Variants in NFIA observed in about 807,000 individuals in gnomAD.
The protein encoded by NFIA is nuclear factor 1 A-type.
In NFIA, 8 loss-of-function variants were observed where a neutral mutation model predicts 62.8. The ratio of observed to expected loss-of-function variants is 0.13; its 90% CI spans 0.07 to 0.23. NFIA has a LOEUF of 0.23. Among genes scored for constraint, NFIA ranks in the 10% least tolerant of loss-of-function variants. The pLI is 1.00. For missense variants in NFIA, 410 were observed against 642.1 expected (o/e 0.64, Z 3.91); for synonymous variants, 235 against 238.1 (o/e 0.99, Z 0.12).
At chr1:61,429,980 G>A (rs1410237412) in intron 10 of NFIA, among the ~76,000 whole-genome samples, 1 of 152,200 alleles carries the variant, frequency 6.6e-6, no homozygotes, top group Non-Finnish European at 1.5e-5. Context: ...GATGAAAAGA[G>A]TTCTGGAGAT....
At chr1:61,365,547 T>C (rs41457849) in intron 6 of NFIA, among the ~76,000 whole-genome samples, 7,222 of 152,326 alleles carry the variant, frequency 0.047, 214 homozygotes, top group Admixed American at 0.096. Flanking sequence ...CTCTGTCCCA[T>C]ATTCCTCCAG....
Position 61,121,694 on chromosome 1 carries a change from G to A in NFIA, c.559+33014G>A, listed in dbSNP as rs142797292. 7.8e-3 allele frequency among the ~76,000 whole-genome samples: 1,189 copies of A among 152,058 alleles called. 18 individuals carry two copies. Among genetic ancestry groups the A allele is most frequent in the African/African-American group, 0.027 (1,106 of 41,494 alleles). On this transcript the variant is annotated intron_variant, in intron 2 of 10. Coordinates refer to ENST00000403491, the MANE Select transcript of NFIA (RefSeq NM_001134673.4). ...ATTTTCTCCCTCTTACCCTCAATAA[G>A]TTAAAAGAAAGGAAAATTTTTTAAC...
chr1:61,235,126 T>C (rs1365698405), intron 2 of NFIA, among the ~76,000 whole-genome samples: 1 of 151,928 alleles, frequency 6.6e-6, no homozygotes, highest in Non-Finnish European at 1.5e-5. Flanking sequence ...GTTTGTTGAG[T>C]GAATAAAGGA....
chr1:61,259,857 G>A (rs1242269742), intron 2 of NFIA, among the ~76,000 whole-genome samples: 1 of 152,180 alleles, frequency 6.6e-6, no homozygotes, highest in Admixed American at 6.5e-5. Flanking sequence ...ACAATTGAGG[G>A]TTAATAAAGC....
chr1:61,346,465 T>C (rs1438138137), intron 4 of NFIA, among the ~76,000 whole-genome samples: 1 of 152,244 alleles, frequency 6.6e-6, no homozygotes, highest in Admixed American at 6.5e-5. Context: ...TTAAAAAGTA[T>C]ACTGTGTTAC....
intron 7 of NFIA, among the ~76,000 whole-genome samples, chr1:61,397,971 A>G (rs569062126): frequency 7.9e-5 from 12 of 152,250 alleles, no homozygotes; most frequent in South Asian, 2.1e-4. Flanking sequence ...AGCTTCAGAA[A>G]GCTGAGGTGG....
intron 2 of NFIA, among the ~76,000 whole-genome samples, chr1:61,228,735 A>G (rs1194850678): frequency 6.6e-6 from 1 of 152,156 alleles, no homozygotes; most frequent in Non-Finnish European, 1.5e-5. Flanking sequence ...TGTTAAATCC[A>G]AAAGAATCCT....
At chr1:61,202,255 G>C (rs544451451) in intron 2 of NFIA, among the ~76,000 whole-genome samples, 3 of 152,182 alleles carry the variant, frequency 2.0e-5, no homozygotes, top group Admixed American at 2.0e-4. Context: ...CTAGGAAAAA[G>C]GCAGGAAAAC....
At chr1:61,108,676 T>C (rs1185553257) in intron 2 of NFIA, among the ~76,000 whole-genome samples, 2 of 151,734 alleles carry the variant, frequency 1.3e-5, no homozygotes, top group Non-Finnish European at 1.5e-5. Flanking sequence ...TTTTAATCCC[T>C]GAATGAATCA....
intron 2 of NFIA, among the ~76,000 whole-genome samples, chr1:61,168,215 A>G (rs752489396): frequency 2.0e-5 from 3 of 152,194 alleles, no homozygotes; most frequent in South Asian, 2.1e-4. Context: ...GCCCTAATCA[A>G]TAGTGCAAAG....
chr1:61,214,766 A>G (rs1310363587), intron 2 of NFIA, among the ~76,000 whole-genome samples: 5 of 152,218 alleles, frequency 3.3e-5, no homozygotes, highest in Non-Finnish European at 5.9e-5. Context: ...ATTTGACATT[A>G]TAGGAGAATT....
In NFIA at chr1:61,453,700, C is replaced by T. The variant is rs138133108; in HGVS notation, c.1513-1603C>T. On this transcript the variant is annotated intron_variant, in intron 10 of 10. Transcript: ENST00000403491. ...TTATTCCCCGCACCCAAAGTTTGAA[C>T]CTGTTTTGTAGAAGGGAGGAAGCGG... 9.8e-3 allele frequency among the ~76,000 whole-genome samples: 1,488 copies of T among 152,198 alleles called. 8 individuals are homozygous for T. The highest frequency in any genetic ancestry group is 0.015 in the Non-Finnish European group (998 of 68,006).
chr1:61,078,158 C>G (rs992853194), upstream of NFIA, among the ~76,000 whole-genome samples: 6 of 151,894 alleles, frequency 4.0e-5, no homozygotes, highest in Non-Finnish European at 8.8e-5. Flanking sequence ...CAGAGGAGAT[C>G]TGAAGTTCTC....
intron 2 of NFIA, among the ~76,000 whole-genome samples, chr1:61,206,819 C>G (rs994327056): frequency 1.3e-5 from 2 of 152,154 alleles, no homozygotes; most frequent in Admixed American, 6.5e-5. Flanking sequence ...CCTCCCAAGC[C>G]TACCTCATGG....
intron 4 of NFIA, among the ~76,000 whole-genome samples, chr1:61,348,072 C>T (rs532372623): frequency 3.9e-5 from 6 of 152,212 alleles, no homozygotes; most frequent in Non-Finnish European, 8.8e-5. Flanking sequence ...CCCACCTCTT[C>T]AGTTCTTCAT....
chr1:61,178,882 C>T (rs569843413), intron 2 of NFIA, among the ~76,000 whole-genome samples: 5 of 152,314 alleles, frequency 3.3e-5, no homozygotes, highest in South Asian at 4.2e-4. Context: ...TACTCAATAA[C>T]GGATGCCCTA....
chr1:61,399,766 C>T (rs1054907726), intron 7 of NFIA, among the ~76,000 whole-genome samples: 4 of 152,158 alleles, frequency 2.6e-5, no homozygotes, highest in African/African-American at 7.2e-5. Flanking sequence ...ATATGGCCCA[C>T]GCTTAGATTT....
At position 61,088,316 on chromosome 1, in the gene NFIA, A is replaced by G. The variant is rs1311843913; in HGVS notation, c.195A>G (p.Pro65=). 1 of 1,613,418 alleles carries G rather than the reference A, an allele frequency of 6.2e-7. No individual in the cohort carries two copies. The highest frequency in any genetic ancestry group is 2.2e-5 in the East Asian group (1 of 44,808). The part of the protein sequence containing the change: ...AVKDELLSEK[P]EVKQKWASRL... Reference sequence around the variant, plus strand: ...AGGATGAATTGCTAAGTGAAAAACCAGAGGTCAAGCAGAAGTGGGCATCTC... The same window carrying G: ...AGGATGAATTGCTAAGTGAAAAACCGGAGGTCAAGCAGAAGTGGGCATCTC... The change falls in exon 2 of 11, where the codon CCA becomes CCG. Residue 65 remains proline (P), a synonymous_variant. Transcript: ENST00000403491. This position sits in a 1 kb window ranked among gnomAD's most constrained non-coding sequence, Gnocchi z 4.5.
intron 2 of NFIA, among the ~76,000 whole-genome samples, chr1:61,240,732 A>G (rs1655298374): frequency 1.3e-5 from 2 of 152,124 alleles, no homozygotes; most frequent in African/African-American, 2.4e-5. Context: ...TTTCTACAAA[A>G]CTATATAGGT....
Sources: gnomAD v4.1 joint callset for allele counts (sites outside exome capture counted in the v4.1 genomes callset) on GRCh38, gnomAD v4.1.1 for gene constraint, Gnocchi (gnomAD v3.1) non-coding constraint, MANE v1.5 for transcripts, NCBI Gene and HGNC (gene_info 2026-07-23, HGNC 2026-07-21) for gene names.